Variants in HLTF observed in about 807,000 individuals in gnomAD.
HLTF encodes DNA-dependent ATPase/E3 ubiquitin-protein ligase HLTF.
Under a neutral mutation model 129.4 loss-of-function variants are expected in HLTF, and 127 were observed. That is an observed-to-expected ratio of 0.98 (90% CI 0.85 to 1.14). The LOEUF is 1.14. Among genes scored for constraint, HLTF ranks in the 50% most tolerant of loss-of-function variants. The pLI, the probability that HLTF is intolerant of heterozygous loss-of-function variation, is 0.00. For synonymous variants in HLTF, 332 were observed against 388.8 expected (o/e 0.85, Z 1.72); for missense variants, 1,139 against 1,187.1 (o/e 0.96, Z 0.60).
chr3:149,047,715 A>C (rs1172559883), intron 17 of HLTF, among the ~76,000 whole-genome samples: 1 of 152,166 alleles, frequency 6.6e-6, no homozygotes, highest in African/African-American at 2.4e-5. Context: ...AGATCCTCAA[A>C]GGATATACGA....
At chr3:149,070,659 G>A (rs1718769655) in intron 7 of HLTF, among the ~76,000 whole-genome samples, 1 of 152,170 alleles carries the variant, frequency 6.6e-6, no homozygotes, top group Non-Finnish European at 1.5e-5. Context: ...ATTTGTGATG[G>A]AATACAATTT....
intron 14 of HLTF, 56 bp from the exon 15 acceptor site, chr3:149,050,431 A>T: frequency 8.0e-7 from 1 of 1,248,054 alleles, no homozygotes; most frequent in Non-Finnish European, 1.1e-6. Context: ...CAGACTTAAT[A>T]GATGTATAAA....
chr3:149,078,911 G>A (rs1719633747), intron 2 of HLTF, among the ~76,000 whole-genome samples: 1 of 151,476 alleles, frequency 6.6e-6, no homozygotes, highest in African/African-American at 2.4e-5. Context: ...CTTTCGACAT[G>A]AAAACGCATG....
At chr3:149,036,047 A>C (rs1715586575) in intron 23 of HLTF, among the ~76,000 whole-genome samples, 1 of 150,760 alleles carries the variant, frequency 6.6e-6, no homozygotes, top group African/African-American at 2.4e-5. Flanking sequence ...AGGCAGGAGA[A>C]TGGCGTGAAC....
intron 7 of HLTF, among the ~76,000 whole-genome samples, chr3:149,070,935 T>C (rs1017586978): frequency 1.3e-5 from 2 of 151,884 alleles, no homozygotes; most frequent in African/African-American, 4.8e-5. Context: ...ATCCCAGCTA[T>C]TTGGAAGTCT....
intron 2 of HLTF, among the ~76,000 whole-genome samples, chr3:149,082,642 T>C (rs2108075570): frequency 6.6e-6 from 1 of 152,308 alleles, no homozygotes; most frequent in South Asian, 2.1e-4. Context: ...ATTTAAAATA[T>C]GTACATTTTA....
At chr3:149,081,315 A>G (rs1719855748) in intron 2 of HLTF, among the ~76,000 whole-genome samples, 1 of 151,834 alleles carries the variant, frequency 6.6e-6, no homozygotes, top group African/African-American at 2.4e-5. Context: ...AGAAAACACC[A>G]GAGTTAAAAA....
At chr3:149,069,191 G>A (rs1718645604) in intron 7 of HLTF, among the ~76,000 whole-genome samples, 2 of 152,074 alleles carry the variant, frequency 1.3e-5, no homozygotes, top group Non-Finnish European at 1.5e-5. Context: ...AATGTTCTTG[G>A]CTGGGCACAG....
chr3:149,050,337 C>A lies in HLTF; in HGVS notation c.1512G>T (p.Leu504Phe). 1.9e-6 allele frequency: 3 copies of A among 1,595,312 alleles called. No homozygotes were observed. The highest frequency in any genetic ancestry group is 2.6e-6 in the Non-Finnish European group (3 of 1,167,672). The change falls in exon 15 of 25, where the codon TTG (leucine) becomes TTT (phenylalanine). Residue 504 changes from leucine to phenylalanine, a missense_variant. By Grantham distance (22) the Leu-to-Phe change is conservative. Transcript: ENST00000310053. ...FGQHIKSDVH[L>F]NFYVYYGPDR... Reference sequence around the variant, plus strand: ...CAGGACCATAATAAACATAAAAATTCAAGTGTACATCTGATTTTATATGTT... The same window carrying A: ...CAGGACCATAATAAACATAAAAATTAAAGTGTACATCTGATTTTATATGTT...
chr3:149,084,530 C>T lies in HLTF; in HGVS notation c.228+152G>A, dbSNP rs550871031. ...CTCTGGGAGGCTGAGGTGGGAGGGT[C>T]ACTTAAGGTATTTGTTATTTTTTGC... On this transcript the variant is annotated intron_variant, in intron 2 of 24. Transcript: ENST00000310053. The T allele has an allele frequency of 2.1e-5, 13 of 631,116 alleles. 1 individual carries two copies. In the African/African-American group the frequency reaches 2.2e-4, roughly 11 times the overall value. 39.1% of individuals were successfully genotyped at this position (631,116 alleles called of 1,614,324 possible). A position where few individuals can be genotyped will look rare whatever the true frequency, so the allele number is the denominator to read the frequency against.
intron 8 of HLTF, among the ~76,000 whole-genome samples, chr3:149,065,075 A>T (rs564497171): frequency 2.0e-5 from 3 of 152,300 alleles, no homozygotes; most frequent in Admixed American, 6.5e-5. Context: ...TCAAAAAAAA[A>T]AAAATAAATA....
intron 14 of HLTF, 31 bp downstream of exon 14, chr3:149,055,272 T>C (rs1334808083): frequency 6.4e-6 from 9 of 1,409,312 alleles, no homozygotes; most frequent in Non-Finnish European, 9.0e-6. Context: ...ATATAAATTA[T>C]GTTACATTTT....
chr3:149,037,351 C>T (rs1715728849), intron 23 of HLTF, among the ~76,000 whole-genome samples: 1 of 151,920 alleles, frequency 6.6e-6, no homozygotes, highest in African/African-American at 2.4e-5. Flanking sequence ...TGCCTGTAAT[C>T]CCAGCTACTC....
Position 149,060,936 on chromosome 3 carries a change from C to G in HLTF, c.1161-78G>C, listed in dbSNP as rs752097092. On this transcript the variant is annotated intron_variant, in intron 10 of 24. Transcript: ENST00000310053. ...GATATACAAACATGTTTAATAAATG[C>G]AATAAAAAACTTTTGTCCTACTCAT... is the stretch of plus-strand genomic sequence containing the variant. 723 of 962,836 alleles carry G rather than the reference C, an allele frequency of 7.5e-4. 4 individuals carry two copies. The highest frequency in any genetic ancestry group is 1.1e-3 in the Non-Finnish European group (679 of 640,000). The allele number at this position is 962,836 out of a possible 1,614,324, so 59.6% of individuals were successfully genotyped here. A position where few individuals can be genotyped will look rare whatever the true frequency, so the allele number is the denominator to read the frequency against.
At chr3:149,041,937 C>A in intron 19 of HLTF, 1 of 580,822 alleles carries the variant, frequency 1.7e-6, no homozygotes, top group South Asian at 2.3e-5. Flanking sequence ...CAATATGAAT[C>A]TTTCATCAAA....
At chr3:149,085,084 A>G (rs1164494690) in intron 1 of HLTF, among the ~76,000 whole-genome samples, 195 bp from the exon 2 acceptor site, 1 of 152,230 alleles carries the variant, frequency 6.6e-6, no homozygotes, top group African/African-American at 2.4e-5. Flanking sequence ...CCTGTTTTCA[A>G]TATTGGCTCT....
intron 24 of HLTF, 84 bp downstream of exon 24, chr3:149,034,834 T>C: frequency 1.1e-6 from 1 of 880,484 alleles, no homozygotes; most frequent in Non-Finnish European, 1.9e-6. Flanking sequence ...TTACACTCAA[T>C]CATAATAATA....
chr3:149,064,796 C>T lies in HLTF; in HGVS notation c.1061G>A (p.Ser354Asn). The T allele has an allele frequency of 1.3e-6, 2 of 1,563,424 alleles. No homozygotes were observed. The highest frequency in any genetic ancestry group is 1.8e-6 in the Non-Finnish European group (2 of 1,134,510). ...ATTTCAAAATTAGCATTTACCTTTG[C>T]TTAGTCCATCTGCCTTTTCACTGGT... ...NNTSEKADGL[S>N]KDASRCSEQP... Residue 354 changes from serine (S) to asparagine (N), a missense_variant, in exon 9 of 25, where the codon AGC becomes AAC. Coordinates refer to ENST00000310053, the MANE Select transcript of HLTF (RefSeq NM_003071.4).
At chr3:149,032,858 G>C (rs1363722763) in intron 24 of HLTF, among the ~76,000 whole-genome samples, 3 of 151,440 alleles carry the variant, frequency 2.0e-5, no homozygotes, top group Admixed American at 2.0e-4. Flanking sequence ...AGCTACTCGG[G>C]AGGCTGAGGC....
Sources: gnomAD v4.1 joint callset for allele counts (sites outside exome capture counted in the v4.1 genomes callset) on GRCh38, gnomAD v4.1.1 for gene constraint, MANE v1.5 for transcripts, NCBI Gene and HGNC (gene_info 2026-07-23, HGNC 2026-07-21) for gene names.